The following ACP6 variants were observed in gnomAD, a reference collection of about 807,000 sequenced individuals.
ACP6 encodes the protein lysophosphatidic acid phosphatase type 6.
Under a neutral mutation model 48.1 loss-of-function variants are expected in ACP6, and 48 were observed. The ratio of observed to expected loss-of-function variants is 1.00; its 90% CI spans 0.79 to 1.27. ACP6 has a LOEUF of 1.27. ACP6 is among the 50% of genes most tolerant of loss of function. The pLI is 0.00. For synonymous variants in ACP6, 172 were observed against 204.2 expected (o/e 0.84, Z 1.34); for missense variants, 485 against 529.1 (o/e 0.92, Z 0.82).
At chr1:147,665,844 A>G (rs1553213557) in intron 1 of ACP6, among the ~76,000 whole-genome samples, 1 of 152,216 alleles carries the variant, frequency 6.6e-6, no homozygotes, top group African/African-American at 2.4e-5. Context: ...GTTTCATATA[A>G]TAGTGTCCAC....
intron 7 of ACP6, 100 bp from the exon 8 acceptor site, chr1:147,650,338 T>C: frequency 1.2e-6 from 1 of 810,006 alleles, no homozygotes; most frequent in Non-Finnish European, 1.9e-6. Context: ...CAGACAGAGC[T>C]GAGAAAAAGG....
intron 8 of ACP6, chr1:147,649,820 A>G (rs2148903881): frequency 2.8e-6 from 1 of 360,336 alleles, no homozygotes; most frequent in Non-Finnish European, 5.0e-6. Flanking sequence ...TACACAATCC[A>G]TTAAGCAATT....
In ACP6 at chr1:147,648,276, C is replaced by A. The variant is rs782395582; in HGVS notation, c.1113G>T (p.Glu371Asp). The A allele has an allele frequency of 3.8e-5, 62 of 1,614,056 alleles. No homozygotes were observed. The South Asian group carries it at 5.8e-4, about 15-fold the overall frequency. The change falls in exon 9 of 10, where the codon GAG becomes GAT. Residue 371 changes from glutamate (E) to aspartate (D), a missense_variant. Transcript: ENST00000583509. Reference protein sequence around the residue: ...MELYQHLESKEWFVQLYYHGK... With the variant: ...MELYQHLESKDWFVQLYYHGK... ...CGTGGTAATAGAGCTGCACAAACCA[C>A]TCCTTAGATTCCAGGTGCTGGTAAA...
chr1:147,663,720 C>T (rs1553213156), intron 1 of ACP6, among the ~76,000 whole-genome samples: 1 of 152,154 alleles, frequency 6.6e-6, no homozygotes, highest in Admixed American at 6.5e-5. Flanking sequence ...TCTTTCCTCC[C>T]CTCCAACCTA....
intron 5 of ACP6, among the ~76,000 whole-genome samples, chr1:147,631,491 A>G (rs1415064807): frequency 1.3e-5 from 2 of 152,128 alleles, no homozygotes; most frequent in African/African-American, 2.4e-5. Context: ...TCTTCAGTCT[A>G]TTCTCCACAA....
At position 147,670,098 on chromosome 1, in the gene ACP6, C is replaced by T. The variant is rs782376010; in HGVS notation, c.-50G>A. ...GGGTTGAGGCTGCAGGAGGCAAACA[C>T]AAGTCTTCTGCGGGCGCCGGGGCTC... On this transcript the variant is annotated 5_prime_UTR_variant, in exon 1 of 10. The change creates a new upstream start codon in the 5' untranslated region. Coordinates refer to ENST00000583509, the MANE Select transcript of ACP6 (RefSeq NM_016361.5). 7 of 1,437,562 alleles carry T rather than the reference C, an allele frequency of 4.9e-6. No homozygotes were observed. The highest frequency in any genetic ancestry group is 6.4e-6 in the Non-Finnish European group (7 of 1,088,838). 89.1% of individuals were successfully genotyped at this position (1,437,562 alleles called of 1,614,324 possible).
chr1:147,650,161 G>A lies in ACP6; in HGVS notation c.959C>T (p.Thr320Ile), dbSNP rs1553210232. 1.2e-6 allele frequency: 2 copies of A among 1,607,216 alleles called. No individual in the cohort carries two copies. Among genetic ancestry groups the A allele is most frequent in the African/African-American group, 1.3e-5 (1 of 74,620 alleles). The change falls in exon 8 of 10, where the codon ACT (threonine) becomes ATT (isoleucine). Residue 320 changes from threonine to isoleucine, a missense_variant. By Grantham distance (89) the Thr-to-Ile change is moderately conservative (BLOSUM62 -1). Coordinates refer to ENST00000583509, the MANE Select transcript of ACP6 (RefSeq NM_016361.5). ...SNLLKAMDSA[T>I]APDKIRKLYL... ...CAGGTACCTGATCTTGTCGGGGGCA[G>A]TGGCAGAGTCCATGGCTTTCAGCAG...
chr1:147,662,533 A>G (rs985785016), intron 1 of ACP6, among the ~76,000 whole-genome samples: 7 of 152,228 alleles, frequency 4.6e-5, no homozygotes, highest in Non-Finnish European at 1.0e-4. Context: ...GGAAGAAGTA[A>G]CTGCAGATGT....
downstream of ACP6, among the ~76,000 whole-genome samples, chr1:147,638,410 C>G (rs1361878920): frequency 3.9e-5 from 6 of 152,112 alleles, no homozygotes; most frequent in Non-Finnish European, 7.4e-5. Flanking sequence ...ATCTGTAGAG[C>G]CTGTGTGTTT....
Position 147,645,224 on chromosome 1 carries a change from T to C in ACP6, c.*2199A>G. ...ATAATTTTATAAAATTATAATAATT[T>C]TATAAAAATATAATAATTTTTGTAT... On this transcript the variant is annotated 3_prime_UTR_variant, in exon 10 of 10. Coordinates refer to ENST00000583509, the MANE Select transcript of ACP6 (RefSeq NM_016361.5). 6.6e-6 allele frequency: 1 copy of C among 151,068 alleles called. No homozygotes were observed. Among genetic ancestry groups the C allele is most frequent in the East Asian group, 1.9e-4 (1 of 5,184 alleles). The allele number at this position is 151,068 out of a possible 1,614,324, so 9.4% of individuals were successfully genotyped here.
downstream of ACP6, among the ~76,000 whole-genome samples, chr1:147,638,347 C>T (rs1183687264): frequency 2.0e-5 from 3 of 152,196 alleles, no homozygotes; most frequent in Non-Finnish European, 4.4e-5. Flanking sequence ...GAAGTTGTCA[C>T]TTGCTCAAGG....
At chr1:147,660,148 T>G (rs1660472766) in intron 1 of ACP6, among the ~76,000 whole-genome samples, 1 of 152,216 alleles carries the variant, frequency 6.6e-6, no homozygotes, top group Non-Finnish European at 1.5e-5. Flanking sequence ...TGTAAGAATT[T>G]ATAAGGAATT....
At chr1:147,661,488 A>G (rs934983720) in intron 1 of ACP6, among the ~76,000 whole-genome samples, 1 of 152,018 alleles carries the variant, frequency 6.6e-6, no homozygotes, top group Non-Finnish European at 1.5e-5. Flanking sequence ...GCTGACTGGT[A>G]TTTCCCCCAT....
intron 4 of ACP6, among the ~76,000 whole-genome samples, chr1:147,657,453 C>T (rs1338405711): frequency 1.3e-5 from 2 of 152,192 alleles, no homozygotes; most frequent in East Asian, 3.9e-4. Context: ...GATGGAGTCT[C>T]GCTGTCACCC....
At chr1:147,641,696 A>T (rs2148899407), downstream of ACP6, among the ~76,000 whole-genome samples, 1 of 152,348 alleles carries the variant, frequency 6.6e-6, no homozygotes, top group South Asian at 2.1e-4. Flanking sequence ...TCCTCAGGAC[A>T]AATCATCAGG....
intron 6 of ACP6, 21 bp downstream of exon 6, chr1:147,654,173 C>A: frequency 6.2e-7 from 1 of 1,611,182 alleles, no homozygotes; most frequent in Non-Finnish European, 8.5e-7. Context: ...TTATCCCAGG[C>A]TCCCCAACCC....
chr1:147,637,314 G>T (rs1423696752), downstream of ACP6, among the ~76,000 whole-genome samples: 1 of 152,088 alleles, frequency 6.6e-6, no homozygotes, highest in African/African-American at 2.4e-5. Context: ...AACCCTCTAA[G>T]GTAGCCCAAT....
intron 4 of ACP6, among the ~76,000 whole-genome samples, chr1:147,655,982 C>T (rs773171326): frequency 1.3e-5 from 2 of 152,140 alleles, no homozygotes; most frequent in Non-Finnish European, 2.9e-5. Flanking sequence ...TTCCACACTG[C>T]TCAAGCCTGA....
chr1:147,647,111 T>C lies in ACP6; in HGVS notation c.*312A>G. The C allele has an allele frequency of 3.4e-6, 1 of 293,288 alleles. No individual in the cohort carries two copies. The highest frequency in any genetic ancestry group is 3.8e-5 in the South Asian group (1 of 26,316). The allele number at this position is 293,288 out of a possible 1,614,324, so 18.2% of individuals were successfully genotyped here. A position where few individuals can be genotyped will look rare whatever the true frequency, so the allele number is the denominator to read the frequency against. On this transcript the variant is annotated 3_prime_UTR_variant, in exon 10 of 10. Coordinates refer to ENST00000583509, the MANE Select transcript of ACP6 (RefSeq NM_016361.5). ...TAGCTCAATACATGTGAAATTAATA[T>C]AGGAGAAAAGAACTAAAGTCCAAAA... is the stretch of plus-strand genomic sequence containing the variant.
Sources: allele counts gnomAD v4.1 joint callset (sites outside exome capture counted in the v4.1 genomes callset), GRCh38; gene constraint gnomAD v4.1.1; transcripts MANE v1.5; gene names NCBI Gene and HGNC (gene_info 2026-07-23, HGNC 2026-07-21).